ITPKB: variants seen among roughly 807,000 people sequenced by gnomAD.
ITPKB encodes the protein IP3 3-kinase B.
In ITPKB, 13 loss-of-function variants were observed where a neutral mutation model predicts 69.4. The ratio of observed to expected loss-of-function variants is 0.19; its 90% confidence interval spans 0.12 to 0.30. ITPKB has a LOEUF of 0.30. Ranked by LOEUF, ITPKB falls within the 10% of genes least tolerant of loss-of-function variation. The pLI, the probability that ITPKB is intolerant of heterozygous loss-of-function variation, is 1.00. For missense variants in ITPKB, 1,240 were observed against 1,250.5 expected (o/e 0.99, Z 0.13); for synonymous variants, 584 against 513.7 (o/e 1.14, Z -1.85).
intron 2 of ITPKB, among the ~76,000 whole-genome samples, chr1:226,733,221 T>C (rs947558758): frequency 5.9e-5 from 9 of 152,278 alleles, no homozygotes; most frequent in African/African-American, 9.6e-5. Flanking sequence ...TGTGCAGCTA[T>C]AGCGTTGTGC....
chr1:226,680,474 T>C (rs903399482), intron 2 of ITPKB, among the ~76,000 whole-genome samples: 4 of 152,174 alleles, frequency 2.6e-5, no homozygotes, highest in Non-Finnish European at 4.4e-5. Flanking sequence ...ATGTGTTAGG[T>C]AGGGTCCTTT....
At chr1:226,694,543 A>G (rs1369608507) in intron 2 of ITPKB, among the ~76,000 whole-genome samples, 2 of 152,210 alleles carry the variant, frequency 1.3e-5, no homozygotes, top group Non-Finnish European at 2.9e-5. Context: ...GTACTTTTAC[A>G]CATCTTATCT....
At chr1:226,653,129 T>C (rs1669227995) in intron 2 of ITPKB, among the ~76,000 whole-genome samples, 1 of 152,192 alleles carries the variant, frequency 6.6e-6, no homozygotes, top group African/African-American at 2.4e-5. Context: ...GCCTTGTTCC[T>C]ATGTTCTAGT....
intron 2 of ITPKB, among the ~76,000 whole-genome samples, chr1:226,684,969 C>A (rs1656173633): frequency 6.6e-6 from 1 of 152,166 alleles, no homozygotes; most frequent in African/African-American, 2.4e-5. Flanking sequence ...CCACAATCAG[C>A]CAACTCACAG....
Position 226,736,920 on chromosome 1 carries a change from A to G in ITPKB, c.539T>C (p.Phe180Ser), listed in dbSNP as rs1284213530. ...TCCAGGGGGCTGACTGCTGCTGCGG[A>G]AGGGGCACGGGGAGGGCGAGCGAGC... ...GRARSPSPCP[F>S]RSSSQPPGRV... is the part of the protein sequence containing the mutation. The change falls in exon 2 of 8, where the codon TTC becomes TCC. Residue 180 changes from phenylalanine to serine, a missense_variant. By Grantham distance (155) the Phe-to-Ser change is radical. This residue lies in a region of ITPKB where 992 missense variants were observed against 853.8 expected (regional missense o/e 1.16). Transcript: ENST00000429204. 13 of 1,609,806 alleles carry G rather than the reference A, an allele frequency of 8.1e-6. No individual in the cohort carries two copies. Among genetic ancestry groups the G allele is most frequent in the South Asian group, 3.3e-5 (3 of 91,052 alleles).
chr1:226,686,702 G>A (rs1314380988), intron 2 of ITPKB, among the ~76,000 whole-genome samples: 8 of 152,204 alleles, frequency 5.3e-5, no homozygotes, highest in Admixed American at 4.6e-4. Flanking sequence ...TCTCCCATCT[G>A]GATTCTTTCA....
intron 2 of ITPKB, among the ~76,000 whole-genome samples, chr1:226,684,236 A>C (rs1404562613): frequency 6.6e-6 from 1 of 152,196 alleles, no homozygotes; most frequent in Non-Finnish European, 1.5e-5. Context: ...TGTGAAAGCA[A>C]GTGTAGAATC....
At chr1:226,664,763 A>C (rs1010812879) in intron 2 of ITPKB, among the ~76,000 whole-genome samples, 1 of 152,236 alleles carries the variant, frequency 6.6e-6, no homozygotes, top group African/African-American at 2.4e-5. Context: ...GCGAGCCGAT[A>C]AACTGCCAAA....
intron 2 of ITPKB, among the ~76,000 whole-genome samples, chr1:226,725,811 C>G (rs536076161): frequency 2.6e-5 from 4 of 152,200 alleles, no homozygotes; most frequent in Non-Finnish European, 5.9e-5. Context: ...GACGATGCTG[C>G]GGCTGAAGTG....
At chr1:226,732,189 T>C (rs1187263665) in intron 2 of ITPKB, among the ~76,000 whole-genome samples, 2 of 152,064 alleles carry the variant, frequency 1.3e-5, no homozygotes, top group Admixed American at 6.6e-5. Context: ...GGTTTTGTAT[T>C]ACACTTCTTT....
At chr1:226,648,587 C>T (rs1669108894) in intron 3 of ITPKB, 85 bp downstream of exon 3, 1 of 842,784 alleles carries the variant, frequency 1.2e-6, no homozygotes. Context: ...TGCTCTGGAG[C>T]TTTGATCCCC....
chr1:226,673,917 A>G (rs1467593083), intron 2 of ITPKB, among the ~76,000 whole-genome samples: 1 of 152,192 alleles, frequency 6.6e-6, no homozygotes, highest in Non-Finnish European at 1.5e-5. Flanking sequence ...GTTCTATTTA[A>G]TAACACAAAC....
Position 226,739,267 on chromosome 1 carries a change from C to T in ITPKB, c.-432G>A, listed in dbSNP as rs1469732574. 1 of 150,076 alleles carries T rather than the reference C, an allele frequency of 6.7e-6. No homozygotes were observed. Among genetic ancestry groups the T allele is most frequent in the Admixed American group, 6.7e-5 (1 of 14,886 alleles). The allele number at this position is 150,076 out of a possible 1,614,324, so 9.3% of individuals were successfully genotyped here. A position where few individuals can be genotyped will look rare whatever the true frequency, so the allele number is the denominator to read the frequency against. ...GCCGGCCCTGCACGCCCTTTTCGAC[C>T]GTGGAGATACTGCCCCTGTCAGTGT... On this transcript the variant is annotated 5_prime_UTR_variant, in exon 1 of 8. Coordinates refer to ENST00000429204, the MANE Select transcript of ITPKB (RefSeq NM_002221.4).
At chr1:226,725,250 C>A (rs1484333863) in intron 2 of ITPKB, among the ~76,000 whole-genome samples, 1 of 152,212 alleles carries the variant, frequency 6.6e-6, no homozygotes, top group East Asian at 1.9e-4. Context: ...TCCGTTAAGC[C>A]GTTCTTCTCA....
chr1:226,686,870 G>C (rs76730407), intron 2 of ITPKB, among the ~76,000 whole-genome samples: 2,262 of 152,368 alleles, frequency 0.015, 110 homozygotes, highest in Admixed American at 0.081. Context: ...GGCAATGGGA[G>C]GGGACAGAGC....
chr1:226,705,529 CAAA>C (rs11290798), intron 2 of ITPKB, among the ~76,000 whole-genome samples: 14 of 120,510 alleles, frequency 1.2e-4, no homozygotes, highest in Non-Finnish European at 1.1e-4. Context: ...AACGCCATCT[CAAA>C]AAAAAAAAAA....
chr1:226,687,267 T>C (rs1451912169), intron 2 of ITPKB, among the ~76,000 whole-genome samples: 1 of 152,222 alleles, frequency 6.6e-6, no homozygotes, highest in Admixed American at 6.5e-5. Context: ...CCATGAGATA[T>C]AGAACCGTAA....
chr1:226,634,674 G>A lies in ITPKB; in HGVS notation c.2838C>T (p.Ala946=), dbSNP rs747980199. The change falls in exon 8 of 8, where the codon GCC becomes GCT. Residue 946 remains alanine (A), a synonymous_variant. Transcript: ENST00000429204. The surrounding 1 kb of genome is among the most constrained non-coding windows in gnomAD (Gnocchi z 6.3). The part of the protein sequence containing the change: ...LTEMSQDAPL[A] ...GGCCAGGGAGGGCGTGGGCAGCTCA[G>A]GCGAGTGGGGCATCCTGGGACATCT... 2 of 813,502 alleles carry A rather than the reference G, an allele frequency of 2.5e-6. No homozygotes were observed. Among genetic ancestry groups the A allele is most frequent in the South Asian group, 1.3e-5 (1 of 75,166 alleles). The allele number at this position is 813,502 out of a possible 1,614,324, so 50.4% of individuals were successfully genotyped here. A position where few individuals can be genotyped will look rare whatever the true frequency, so the allele number is the denominator to read the frequency against.
Position 226,633,494 on chromosome 1 carries a change from C to T in ITPKB, c.*1177G>A, listed in dbSNP as rs773432762. The T allele has an allele frequency of 6.6e-6, 1 of 152,226 alleles. No homozygotes were observed. The highest frequency in any genetic ancestry group is 1.5e-5 in the Non-Finnish European group (1 of 68,046). The allele number at this position is 152,226 out of a possible 1,614,324, so 9.4% of individuals were successfully genotyped here. A position where few individuals can be genotyped will look rare whatever the true frequency, so the allele number is the denominator to read the frequency against. ...CTTAAATAGGTTCTCCACGAATCTC[C>T]AAATGCAGAGACTTCAGGAAGAGGT... On this transcript the variant is annotated 3_prime_UTR_variant, in exon 8 of 8. Transcript: ENST00000429204.
Sources: allele counts gnomAD v4.1 joint callset (sites outside exome capture counted in the v4.1 genomes callset), GRCh38; gene constraint gnomAD v4.1.1; regional missense constraint gnomAD v4.1.1; non-coding constraint Gnocchi (gnomAD v3.1); transcripts MANE v1.5; gene names NCBI Gene and HGNC (gene_info 2026-07-23, HGNC 2026-07-21).